The following ANKMY1 variants were observed in gnomAD, a reference collection of about 807,000 sequenced individuals.
The protein encoded by ANKMY1 is ankyrin repeat and MYND domain containing 1, also known as ankyrin repeat and MYND domain-containing protein 1.
ANKMY1 carries 98 observed loss-of-function variants against 102.0 expected under a neutral mutation model. The observed-to-expected ratio is 0.96, with a 90% CI of 0.82 to 1.14. The LOEUF (loss-of-function observed/expected upper bound fraction) is 1.14, where lower values mean the gene tolerates loss of function less well. ANKMY1 is among the 50% of genes most tolerant of loss of function. The probability of loss-of-function intolerance (pLI) is 0.00; values close to 1 mark genes in which losing one functional copy is unlikely to be tolerated. For synonymous variants in ANKMY1, 582 were observed against 559.9 expected, an observed-to-expected ratio of 1.04 and a Z score of -0.56; for missense variants, 1,330 against 1,347.6, an observed-to-expected ratio of 0.99 and a Z score of 0.20.
intron 12 of ANKMY1, 120 bp downstream of exon 12, chr2:240,509,224 AATGG>A (rs995115320): frequency 1.8e-4 from 107 of 601,300 alleles, no homozygotes; most frequent in South Asian, 2.9e-4. Flanking sequence ...TGGATGGATG[AATGG>A]ATGGATGGAT....
At position 240,523,998 on chromosome 2, in the gene ANKMY1, G is replaced by A. The variant is rs2152356634; in HGVS notation, c.1719C>T (p.Ala573=). The stretch of plus-strand genomic sequence containing the variant: ...GGGACTGGGCGCTTCTCTCCAGCAT[G>A]GCCTGCGAGAGCTCGATGGAGAAGT... ...VCDFSIELSQ[A]MLERSAQSHS... is the part of the protein sequence containing the mutation. The change falls in exon 8 of 18, where the codon GCC becomes GCT. Residue 573 remains alanine (A), a synonymous_variant. Transcript: ENST00000401804. 6.2e-7 allele frequency: 1 copy of A among 1,613,958 alleles called. No homozygotes were observed. Among genetic ancestry groups the A allele is most frequent in the Non-Finnish European group, 8.5e-7 (1 of 1,180,044 alleles).
At chr2:240,511,365 C>T (rs1575056069) in intron 11 of ANKMY1, among the ~76,000 whole-genome samples, 1 of 152,246 alleles carries the variant, frequency 6.6e-6, no homozygotes, top group Admixed American at 6.5e-5. Context: ...TGAGACTTGG[C>T]CTCAGTTTCC....
chr2:240,497,528 G>T (rs190042526), intron 15 of ANKMY1, among the ~76,000 whole-genome samples: 1 of 152,350 alleles, frequency 6.6e-6, no homozygotes, highest in Non-Finnish European at 1.5e-5. Context: ...TTGAATAAAT[G>T]TTTCTTTGTA....
downstream of ANKMY1, among the ~76,000 whole-genome samples, chr2:240,478,414 G>T (rs1415953489): frequency 6.6e-6 from 1 of 152,150 alleles, no homozygotes; most frequent in Non-Finnish European, 1.5e-5. Context: ...CTTTCTAGCA[G>T]AGGTAGTGGA....
intron 4 of ANKMY1, chr2:240,552,706 G>A: frequency 1.5e-6 from 1 of 687,738 alleles, no homozygotes; most frequent in Non-Finnish European, 2.4e-6. Flanking sequence ...GTAACAATTT[G>A]CTGGTATCCC....
At chr2:240,480,872 C>A in intron 17 of ANKMY1, 65 bp downstream of exon 17, 1 of 1,558,384 alleles carries the variant, frequency 6.4e-7, no homozygotes, top group South Asian at 1.2e-5. Flanking sequence ...ACCAGCACCC[C>A]AGGCCTGCGC....
chr2:240,512,837 C>T lies in ANKMY1; in HGVS notation c.2110G>A (p.Ala704Thr). 1.2e-6 allele frequency: 2 copies of T among 1,614,028 alleles called. No individual in the cohort carries two copies. Among genetic ancestry groups the T allele is most frequent in the Non-Finnish European group, 1.7e-6 (2 of 1,179,976 alleles). ...TTGTAAGTGTCGTCCTCGTCGGATG[C>T]CTTGGCGTCCACATCGGTGATGGCA... is the stretch of plus-strand genomic sequence containing the variant. ...LHAITDVDAK[A>T]SDEDDTYKPG... is the part of the protein sequence containing the mutation. The change falls in exon 10 of 18, where the codon GCA (alanine) becomes ACA (threonine). Residue 704 changes from alanine (A) to threonine (T), a missense_variant. Transcript: ENST00000401804.
chr2:240,504,713 C>T (rs1384527655), intron 13 of ANKMY1, among the ~76,000 whole-genome samples: 2 of 152,132 alleles, frequency 1.3e-5, no homozygotes, highest in East Asian at 3.8e-4. Flanking sequence ...ATCAACAAAA[C>T]CACAATGAGA....
At chr2:240,549,533 G>C (rs202053608) in intron 4 of ANKMY1, among the ~76,000 whole-genome samples, 1 of 152,176 alleles carries the variant, frequency 6.6e-6, no homozygotes, top group Non-Finnish European at 1.5e-5. Flanking sequence ...TTAAATTAAA[G>C]AGCTTCTGCA....
At chr2:240,482,090 G>T in intron 16 of ANKMY1, 93 bp downstream of exon 16, 1 of 1,395,000 alleles carries the variant, frequency 7.2e-7, no homozygotes, top group Non-Finnish European at 9.9e-7. Flanking sequence ...CATGGAGGCT[G>T]TCCCGGGATG....
intron 4 of ANKMY1, among the ~76,000 whole-genome samples, chr2:240,539,966 G>C (rs909708620): frequency 1.6e-4 from 25 of 152,306 alleles, no homozygotes; most frequent in African/African-American, 6.0e-4. Context: ...ATAGAGACCA[G>C]AAGGCTGACA....
intron 14 of ANKMY1, 65 bp downstream of exon 14, chr2:240,500,387 C>A: frequency 1.3e-6 from 2 of 1,496,372 alleles, no homozygotes; most frequent in South Asian, 1.2e-5. Flanking sequence ...AGCTAATGCC[C>A]CAGCCGGGGG....
chr2:240,556,230 A>G (rs759035814), intron 2 of ANKMY1, among the ~76,000 whole-genome samples: 9 of 152,204 alleles, frequency 5.9e-5, no homozygotes, highest in Non-Finnish European at 1.2e-4. Context: ...GCCTGCATAA[A>G]CAGGCCATGA....
chr2:240,507,217 C>T (rs2079223268), intron 13 of ANKMY1, among the ~76,000 whole-genome samples: 1 of 152,080 alleles, frequency 6.6e-6, no homozygotes, highest in Non-Finnish European at 1.5e-5. Context: ...TTGGAGAACA[C>T]AGAACAAATG....
At chr2:240,500,167 C>T in intron 14 of ANKMY1, 44 bp from the exon 15 acceptor site, 1 of 1,526,856 alleles carries the variant, frequency 6.5e-7, no homozygotes, top group Non-Finnish European at 8.8e-7. Context: ...CGGGCCCGCC[C>T]CTCACTGCTG....
At chr2:240,521,892 C>A (rs1042741522) in intron 8 of ANKMY1, 3 of 152,194 alleles carry the variant, frequency 2.0e-5, no homozygotes, top group African/African-American at 7.2e-5. Flanking sequence ...TGTGGACCTT[C>A]ACTGGCAAGT....
At chr2:240,547,207 C>T (rs951334972) in intron 4 of ANKMY1, among the ~76,000 whole-genome samples, 2 of 152,212 alleles carry the variant, frequency 1.3e-5, no homozygotes, top group African/African-American at 4.8e-5. Flanking sequence ...TATTAAGAAT[C>T]TCACTCAAAA....
At chr2:240,469,876 A>G in the ANKMY1 span, among the ~76,000 whole-genome samples, 1 of 152,132 alleles carries the variant, frequency 6.6e-6, no homozygotes, top group Non-Finnish European at 1.5e-5. Context: ...ACAAGCACAC[A>G]TATCCATACA....
At chr2:240,526,974 G>A in intron 5 of ANKMY1, 1 of 1,019,184 alleles carries the variant, frequency 9.8e-7, no homozygotes, top group South Asian at 3.9e-5. Flanking sequence ...AGATGCTTCT[G>A]TACCTAACAG....
Sources: gnomAD v4.1 joint callset for allele counts (sites outside exome capture counted in the v4.1 genomes callset) on GRCh38, gnomAD v4.1.1 for gene constraint, MANE v1.5 for transcripts, NCBI Gene and HGNC (gene_info 2026-07-23, HGNC 2026-07-21) for gene names.